Variants in PACRG observed in about 807,000 individuals in gnomAD.
The protein encoded by PACRG is parkin coregulated gene protein.
A neutral mutation model predicts 29.7 loss-of-function variants in PACRG; 29 were observed. The observed-to-expected ratio is 0.98, with a 90% CI of 0.73 to 1.33. PACRG has a LOEUF of 1.33. Ranked by LOEUF, PACRG falls within the 40% of genes most tolerant of loss-of-function variation. The pLI is 0.00. For synonymous variants in PACRG, 116 were observed against 118.7 expected (o/e 0.98, Z 0.15); for missense variants, 279 against 316.2 (o/e 0.88, Z 0.89).
At chr6:163,297,293 T>A (rs1214151675) in intron 4 of PACRG, among the ~76,000 whole-genome samples, 2 of 152,240 alleles carry the variant, frequency 1.3e-5, no homozygotes, top group East Asian at 3.8e-4. Flanking sequence ...ACTGAAATAC[T>A]TCTTCAGTGG....
chr6:162,949,762 G>A (rs762737701), intron 2 of PACRG, among the ~76,000 whole-genome samples: 2 of 152,174 alleles, frequency 1.3e-5, no homozygotes, highest in Admixed American at 6.5e-5. Flanking sequence ...TTTTGTGAGG[G>A]TTTGTTGTAT....
chr6:163,154,454 G>A (rs974980815), intron 4 of PACRG, among the ~76,000 whole-genome samples: 1 of 152,144 alleles, frequency 6.6e-6, no homozygotes, highest in Non-Finnish European at 1.5e-5. Flanking sequence ...AATCCTATGT[G>A]AGGCAGCTTT....
At chr6:162,787,112 G>A (rs1324312362) in intron 1 of PACRG, among the ~76,000 whole-genome samples, 1 of 152,070 alleles carries the variant, frequency 6.6e-6, no homozygotes, top group Non-Finnish European at 1.5e-5. Context: ...AGAAGTGATT[G>A]ATATTAGGTT....
intron 2 of PACRG, among the ~76,000 whole-genome samples, chr6:162,973,132 G>A (rs1480686867): frequency 6.6e-6 from 1 of 152,200 alleles, no homozygotes; most frequent in African/African-American, 2.4e-5. Flanking sequence ...TGCTGATGTT[G>A]GTGATTGCTA....
chr6:163,037,306 G>A (rs1051242937), intron 2 of PACRG, among the ~76,000 whole-genome samples: 8 of 152,214 alleles, frequency 5.3e-5, no homozygotes, highest in Non-Finnish European at 7.3e-5. Context: ...AGAGCAGAGT[G>A]TCTGCAATCT....
At chr6:163,216,369 C>G (rs1781364874) in intron 4 of PACRG, among the ~76,000 whole-genome samples, 1 of 152,126 alleles carries the variant, frequency 6.6e-6, no homozygotes, top group African/African-American at 2.4e-5. Flanking sequence ...TAGACAAAAA[C>G]CTGGTGGAGG....
intron 4 of PACRG, among the ~76,000 whole-genome samples, chr6:163,142,577 G>C (rs774946372): frequency 6.6e-6 from 1 of 152,082 alleles, no homozygotes; most frequent in African/African-American, 2.4e-5. Context: ...CTATTCCAGA[G>C]AACTGAAAAA....
Position 162,780,354 on chromosome 6 carries a change from A to G in PACRG, c.157-33793A>G, listed in dbSNP as rs189205757. On this transcript the variant is annotated intron_variant, in intron 1 of 4. Transcript: ENST00000366888. ...GCAAGACTTTAATATTTGGGCTCAC[A>G]TTAATCCCAAATATTCTAAATAAGT... 1.8e-3 allele frequency among the ~76,000 whole-genome samples: 268 copies of G among 152,338 alleles called. 9 individuals carry two copies. In the South Asian group the frequency reaches 0.054, roughly 31 times the overall value.
chr6:162,760,697 G>C (rs561565523), intron 1 of PACRG, among the ~76,000 whole-genome samples: 1 of 152,172 alleles, frequency 6.6e-6, no homozygotes, highest in Non-Finnish European at 1.5e-5. Context: ...CGTTTAGAAA[G>C]TGTGAGGCTG....
chr6:162,827,399 G>A (rs1251484460), intron 2 of PACRG, among the ~76,000 whole-genome samples: 1 of 152,166 alleles, frequency 6.6e-6, no homozygotes, highest in Admixed American at 6.5e-5. Context: ...TGGTGACTAT[G>A]ACTGTACTAT....
At chr6:163,290,296 A>G (rs1347984382) in intron 4 of PACRG, among the ~76,000 whole-genome samples, 1,693 of 147,578 alleles carry the variant, frequency 0.011, 38 homozygotes, top group African/African-American at 0.04. Context: ...ACACACACAC[A>G]CACACACACA....
At chr6:163,287,297 C>CACGT (rs1784435275) in intron 4 of PACRG, among the ~76,000 whole-genome samples, 1 of 152,152 alleles carries the variant, frequency 6.6e-6, no homozygotes, top group Non-Finnish European at 1.5e-5. Flanking sequence ...TTTGCAAAAT[C>CACGT]TGAACAACGT....
At chr6:162,792,900 C>T (rs1217826205) in intron 1 of PACRG, among the ~76,000 whole-genome samples, 7 of 152,068 alleles carry the variant, frequency 4.6e-5, no homozygotes, top group South Asian at 2.1e-4. Context: ...TGAGAGGTGA[C>T]CTAGTGTTTA....
intron 3 of PACRG, among the ~76,000 whole-genome samples, chr6:163,084,388 C>T (rs184936211): frequency 7.4e-4 from 113 of 152,180 alleles, no homozygotes; most frequent in Admixed American, 1.6e-3. Context: ...AAAAGACTTC[C>T]GACTTCATGG....
chr6:162,750,636 A>T (rs1211763569), intron 1 of PACRG, among the ~76,000 whole-genome samples: 1 of 152,202 alleles, frequency 6.6e-6, no homozygotes, highest in Admixed American at 6.5e-5. Context: ...GATTTGCCAC[A>T]GTTATTATCT....
intron 2 of PACRG, among the ~76,000 whole-genome samples, chr6:162,860,096 CA>C (rs983754802): frequency 5.3e-5 from 8 of 151,228 alleles, no homozygotes; most frequent in South Asian, 2.1e-4. Flanking sequence ...AAGGAAGACA[CA>C]AAAAAAGACT....
chr6:163,197,904 T>C (rs906898990), intron 4 of PACRG, among the ~76,000 whole-genome samples: 4 of 152,188 alleles, frequency 2.6e-5, no homozygotes, highest in Non-Finnish European at 2.9e-5. Flanking sequence ...TCCCTGTCCA[T>C]GTCAGGAGCA....
intron 4 of PACRG, among the ~76,000 whole-genome samples, chr6:163,184,383 A>T (rs1007748863): frequency 6.6e-6 from 1 of 152,182 alleles, no homozygotes; most frequent in Non-Finnish European, 1.5e-5. Context: ...TGTCCATACT[A>T]GCTCAGTAAC....
At chr6:163,078,192 G>T (rs780322080) in intron 3 of PACRG, among the ~76,000 whole-genome samples, 2 of 152,092 alleles carry the variant, frequency 1.3e-5, no homozygotes, top group Non-Finnish European at 2.9e-5. Flanking sequence ...AGACTCAGGA[G>T]CCTAACTTAT....
Sources: gnomAD v4.1 joint callset for allele counts (sites outside exome capture counted in the v4.1 genomes callset) on GRCh38, gnomAD v4.1.1 for gene constraint, MANE v1.5 for transcripts, NCBI Gene and HGNC (gene_info 2026-07-23, HGNC 2026-07-21) for gene names.